The following ERBIN variants were observed in gnomAD, a reference collection of about 807,000 sequenced individuals.
ERBIN encodes the protein densin-180-like protein.
Under a neutral mutation model 158.4 loss-of-function variants are expected in ERBIN, and 60 were observed. The ratio of observed to expected loss-of-function variants is 0.38; its 90% CI spans 0.31 to 0.47. ERBIN has a LOEUF of 0.47. Among genes scored for constraint, ERBIN ranks in the 20% least tolerant of loss-of-function variants. ERBIN has a pLI of 0.99. For missense variants in ERBIN, 1,610 were observed against 1,648.0 expected (o/e 0.98, Z 0.40); for synonymous variants, 594 against 557.2 (o/e 1.07, Z -0.93).
At chr5:66,025,578 C>G in intron 11 of ERBIN, 26 bp downstream of exon 11, 1 of 1,521,988 alleles carries the variant, frequency 6.6e-7, no homozygotes, top group Non-Finnish European at 9.1e-7. Flanking sequence ...ATGTATACAC[C>G]CTCGAAGATT....
intron 4 of ERBIN, among the ~76,000 whole-genome samples, chr5:65,995,328 G>T (rs893720984): frequency 7.3e-5 from 11 of 149,996 alleles, no homozygotes; most frequent in African/African-American, 2.7e-4. Flanking sequence ...ATGCTACTCT[G>T]CCTCTGCCTC....
chr5:65,948,321 C>T lies in ERBIN; in HGVS notation c.-58+21515C>T, dbSNP rs118078338. ...TCCCAAGTAGCTGGGACTACAAGTGCGGGCTACAATGACTGGCTAATTTTT... is the reference window on the plus strand; with the variant it reads ...TCCCAAGTAGCTGGGACTACAAGTGTGGGCTACAATGACTGGCTAATTTTT... On this transcript the variant is annotated intron_variant, in intron 1 of 25. Coordinates refer to ENST00000284037, the MANE Select transcript of ERBIN (RefSeq NM_001253697.2). 1.1e-3 allele frequency among the ~76,000 whole-genome samples: 161 copies of T among 151,500 alleles called. 1 individual carries two copies. The East Asian group carries it at 0.026, about 25-fold the overall frequency.
intron 1 of ERBIN, among the ~76,000 whole-genome samples, chr5:65,984,130 G>A (rs1750951404): frequency 7.1e-6 from 1 of 141,602 alleles, no homozygotes; most frequent in African/African-American, 3.2e-5. Flanking sequence ...ATATTGGCCG[G>A]CAAGGAATAA....
chr5:65,966,597 T>C (rs900613961), intron 1 of ERBIN, among the ~76,000 whole-genome samples: 4 of 146,636 alleles, frequency 2.7e-5, no homozygotes, highest in African/African-American at 1.0e-4. Context: ...GGAGAATCGC[T>C]TGAACCCAGG....
rs961690036 is a variant in ERBIN, at chr5:65,992,730, A to G, written c.12A>G (p.Lys4=). The G allele has an allele frequency of 2.5e-6, 4 of 1,590,268 alleles. No individual in the cohort carries two copies. Among genetic ancestry groups the G allele is most frequent in the Admixed American group, 1.9e-5 (1 of 53,312 alleles). ...TGCAGTGTCTAAAAATGACTACAAA[A>G]CGAAGTTTGTTTGTGCGGTTGGTAC... is the stretch of plus-strand genomic sequence containing the variant. The part of the protein sequence containing the change: MTT[K]RSLFVRLVPC... The change falls in exon 3 of 26, where the codon AAA becomes AAG. Residue 4 remains lysine (K), a synonymous_variant. Coordinates refer to ENST00000284037, the MANE Select transcript of ERBIN (RefSeq NM_001253697.2).
At chr5:65,940,580 G>A (rs1324225930) in intron 1 of ERBIN, among the ~76,000 whole-genome samples, 2 of 109,420 alleles carry the variant, frequency 1.8e-5, no homozygotes, top group Non-Finnish European at 1.8e-5. Flanking sequence ...GCCTCTGCCC[G>A]GCCGCCCCTA....
chr5:66,062,311 C>T (rs907974532), intron 21 of ERBIN, among the ~76,000 whole-genome samples: 1 of 152,184 alleles, frequency 6.6e-6, no homozygotes, highest in East Asian at 1.9e-4. Context: ...ATCGCTGATA[C>T]CCTTTCTTCC....
chr5:65,945,322 T>TTATATATCTC (rs1490228530), intron 1 of ERBIN, among the ~76,000 whole-genome samples: 9 of 152,232 alleles, frequency 5.9e-5, no homozygotes, highest in Non-Finnish European at 1.3e-4. Flanking sequence ...TTTCATTGAT[T>TTATATATCTC]TATATATCTC....
In ERBIN at chr5:66,025,833, T is replaced by G. The variant is rs772544497; in HGVS notation, c.891-15T>G. The G allele has an allele frequency of 5.1e-6, 7 of 1,370,530 alleles. No individual in the cohort carries two copies. In the South Asian group the frequency reaches 1.1e-4, roughly 22 times the overall value. The allele number at this position is 1,370,530 out of a possible 1,614,324, so 84.9% of individuals were successfully genotyped here. Reference sequence around the variant, plus strand: ...TCTTTAACAAATAATATATATTTCTTTTTTTAAATTAAAGGTTAATATCAG... The same window carrying G: ...TCTTTAACAAATAATATATATTTCTGTTTTTAAATTAAAGGTTAATATCAG... On this transcript the variant is annotated splice_polypyrimidine_tract_variant and intron_variant, in intron 11 of 25. Coordinates refer to ENST00000284037, the MANE Select transcript of ERBIN (RefSeq NM_001253697.2).
chr5:66,015,143 A>G (rs114108424), intron 7 of ERBIN, among the ~76,000 whole-genome samples: 1,763 of 152,270 alleles, frequency 0.012, 31 homozygotes, highest in Middle Eastern at 0.065. Flanking sequence ...AGTGTATTGT[A>G]AATTAGAAAT....
At chr5:66,010,694 G>C (rs958903676) in intron 4 of ERBIN, among the ~76,000 whole-genome samples, 5 of 152,144 alleles carry the variant, frequency 3.3e-5, no homozygotes, top group South Asian at 2.1e-4. Context: ...GGTCTGAAAT[G>C]GTTCTCTAAT....
chr5:66,072,201 T>C lies in ERBIN; in HGVS notation c.3666T>C (p.Pro1222=). 1 of 1,550,394 alleles carries C rather than the reference T, an allele frequency of 6.4e-7. No homozygotes were observed. The highest frequency in any genetic ancestry group is 8.7e-7 in the Non-Finnish European group (1 of 1,146,836). Residue 1222 remains proline, a synonymous_variant, in exon 22 of 26, where the codon CCT becomes CCC. Transcript: ENST00000284037. ...KHPQTSSSGD[P]CQDGIFISGQ... is the part of the protein sequence containing the mutation. ...CCCAGACATCCAGTTCAGGAGATCC[T>C]TGTCAAGATGGTATATTCATTTCAG...
intron 20 of ERBIN, 77 bp downstream of exon 20, chr5:66,051,043 T>C: frequency 2.2e-6 from 2 of 890,578 alleles, no homozygotes; most frequent in Non-Finnish European, 3.4e-6. Context: ...TACATAAATA[T>C]ATAGGGTTTA....
chr5:66,013,662 C>T (rs776350297), intron 6 of ERBIN, 24 bp downstream of exon 6: 29 of 1,486,678 alleles, frequency 2.0e-5, no homozygotes, highest in South Asian at 4.5e-5. Context: ...TCTTCTAAAA[C>T]GTTTTATTAT....
chr5:65,969,560 T>C (rs1382681015), intron 1 of ERBIN, among the ~76,000 whole-genome samples: 2 of 152,248 alleles, frequency 1.3e-5, no homozygotes, highest in Non-Finnish European at 2.9e-5. Flanking sequence ...AGCAGTATTA[T>C]TTCCAAAGCC....
At chr5:65,973,320 T>C (rs867924985) in intron 1 of ERBIN, among the ~76,000 whole-genome samples, 7 of 151,052 alleles carry the variant, frequency 4.6e-5, no homozygotes, top group Middle Eastern at 3.2e-3. Flanking sequence ...AGTTAATGGG[T>C]GCAGCACACC....
At chr5:65,941,124 T>C (rs1474921363) in intron 1 of ERBIN, among the ~76,000 whole-genome samples, 2 of 152,114 alleles carry the variant, frequency 1.3e-5, no homozygotes, top group Non-Finnish European at 2.9e-5. Flanking sequence ...GGCAGCATGC[T>C]CATTAAGAGT....
At chr5:65,939,747 CTGTGT>C (rs1744587922) in intron 1 of ERBIN, among the ~76,000 whole-genome samples, 5 of 152,274 alleles carry the variant, frequency 3.3e-5, no homozygotes, top group Admixed American at 3.3e-4. Flanking sequence ...CGGGGTTTCG[CTGTGT>C]TGGCCGGGCT....
intron 1 of ERBIN, among the ~76,000 whole-genome samples, chr5:65,938,899 C>A (rs951423534): frequency 1.3e-5 from 2 of 152,078 alleles, no homozygotes; most frequent in African/African-American, 4.8e-5. Flanking sequence ...TACTCTTCTG[C>A]CCCTTGAAGG....
Sources: allele counts gnomAD v4.1 joint callset (sites outside exome capture counted in the v4.1 genomes callset), GRCh38; gene constraint gnomAD v4.1.1; transcripts MANE v1.5; gene names NCBI Gene and HGNC (gene_info 2026-07-23, HGNC 2026-07-21).